The following GALNT15 variants were observed in gnomAD, a reference collection of about 807,000 sequenced individuals.
The protein encoded by GALNT15 is UDP-GalNAc transferase T15.
Under a neutral mutation model 66.8 loss-of-function variants are expected in GALNT15, and 67 were observed. The ratio of observed to expected loss-of-function variants is 1.00; its 90% CI spans 0.82 to 1.23. GALNT15 has a LOEUF of 1.23. GALNT15 is among the 50% of genes most tolerant of loss of function. The pLI is 0.00. For synonymous variants in GALNT15, 313 were observed against 311.5 expected (o/e 1.00, Z -0.05); for missense variants, 827 against 804.3 (o/e 1.03, Z -0.34).
intron 3 of GALNT15, among the ~76,000 whole-genome samples, chr3:16,205,018 C>T (rs1042777038): frequency 6.6e-6 from 1 of 152,180 alleles, no homozygotes; most frequent in Non-Finnish European, 1.5e-5. Context: ...TCCTGCCCCC[C>T]CAGAGGGAGC....
chr3:16,230,695 A>G (rs765721196), downstream of GALNT15, among the ~76,000 whole-genome samples: 5 of 152,330 alleles, frequency 3.3e-5, no homozygotes, highest in South Asian at 1.0e-3. This position sits in a 1 kb window ranked among gnomAD's most constrained non-coding sequence, Gnocchi z 4.5. Context: ...CTTATTATGC[A>G]CACTATTTAT....
At chr3:16,218,218 A>T (rs780601415) in intron 6 of GALNT15, among the ~76,000 whole-genome samples, 2 of 152,198 alleles carry the variant, frequency 1.3e-5, no homozygotes, top group Non-Finnish European at 2.9e-5. Context: ...TCTAAAAGAG[A>T]GAGGGAAAGC....
At position 16,228,443 on chromosome 3, in the gene GALNT15, C is replaced by A. The variant is rs185330066; in HGVS notation, c.*943C>A. The A allele has an allele frequency of 1.4e-6, 1 of 706,540 alleles. No individual in the cohort carries two copies. The highest frequency in any genetic ancestry group is 1.7e-6 in the Non-Finnish European group (1 of 575,386). The allele number at this position is 706,540 out of a possible 1,614,324, so 43.8% of individuals were successfully genotyped here. On this transcript the variant is annotated 3_prime_UTR_variant, in exon 10 of 10. Coordinates refer to ENST00000339732, the MANE Select transcript of GALNT15 (RefSeq NM_054110.5). ...ATCACCTGATGTCAGGGGTTTGAGA[C>A]CAGCCTGGTCAACATTGCAAAACCT...
rs756736567 is a variant in GALNT15, at chr3:16,225,091, A to G, written c.1774-2263A>G. On this transcript the variant is annotated intron_variant, in intron 9 of 9. Transcript: ENST00000339732. The surrounding 1 kb of genome is among the most constrained non-coding windows in gnomAD (Gnocchi z 4.4). ...CTCAGAGAGCTTTTACTTATGGCAGAAGATGAAGTGGGAGCAGGCATATCA... is the reference window on the plus strand; with the variant it reads ...CTCAGAGAGCTTTTACTTATGGCAGGAGATGAAGTGGGAGCAGGCATATCA... Among the ~76,000 whole-genome samples, 3 of 152,170 alleles carry G rather than the reference A, an allele frequency of 2.0e-5. No individual in the cohort carries two copies. Among genetic ancestry groups the G allele is most frequent in the African/African-American group, 7.2e-5 (3 of 41,432 alleles).
Position 16,225,475 on chromosome 3 carries a change from T to C in GALNT15, c.1774-1879T>C, listed in dbSNP as rs1439092121. The stretch of plus-strand genomic sequence containing the variant: ...ACTTCGGGAGGCCGAGGCAGGTGGA[T>C]CACGAGGTCAGGAGGCTGAGACCAG... On this transcript the variant is annotated intron_variant, in intron 9 of 9. Coordinates refer to ENST00000339732, the MANE Select transcript of GALNT15 (RefSeq NM_054110.5). This position sits in a 1 kb window ranked among gnomAD's most constrained non-coding sequence, Gnocchi z 4.4. Among the ~76,000 whole-genome samples, 1 of 152,206 alleles carries C rather than the reference T, an allele frequency of 6.6e-6. No individual in the cohort carries two copies. Among genetic ancestry groups the C allele is most frequent in the African/African-American group, 2.4e-5 (1 of 41,452 alleles).
chr3:16,221,151 C>T (rs1574997361), intron 8 of GALNT15, among the ~76,000 whole-genome samples: 1 of 148,486 alleles, frequency 6.7e-6, no homozygotes, highest in Non-Finnish European at 1.5e-5. Context: ...GCAGCCTCTA[C>T]AGAGATTATT....
At chr3:16,212,171 C>T (rs2063822269) in intron 5 of GALNT15, among the ~76,000 whole-genome samples, 1 of 152,162 alleles carries the variant, frequency 6.6e-6, no homozygotes, top group South Asian at 2.1e-4. Flanking sequence ...CTTTGTAGCA[C>T]ACTTCACAAG....
intron 1 of GALNT15, among the ~76,000 whole-genome samples, chr3:16,177,525 G>A (rs2063422740): frequency 6.6e-6 from 1 of 152,232 alleles, no homozygotes; most frequent in Non-Finnish European, 1.5e-5. Flanking sequence ...ACTGCGTTAT[G>A]TGGTGCCTAT....
chr3:16,199,973 T>C (rs1444639532), intron 2 of GALNT15, among the ~76,000 whole-genome samples: 2 of 152,194 alleles, frequency 1.3e-5, no homozygotes, highest in Admixed American at 1.3e-4. Flanking sequence ...CTCACACTGC[T>C]ATAAAGAACT....
rs2063470717 is a variant in GALNT15, at chr3:16,181,479, G to A, written c.539+5789G>A. 6.6e-6 allele frequency among the ~76,000 whole-genome samples: 1 copy of A among 152,056 alleles called. No homozygotes were observed. Among genetic ancestry groups the A allele is most frequent in the Non-Finnish European group, 1.5e-5 (1 of 68,026 alleles). ...GCAAGGGGTCAGAGGGAAGGGCAGG[G>A]GCGGGAGAGTCGCCTTGGCTGCAGC... On this transcript the variant is annotated intron_variant, in intron 1 of 9. Coordinates refer to ENST00000339732, the MANE Select transcript of GALNT15 (RefSeq NM_054110.5). The surrounding 1 kb of genome is among the most constrained non-coding windows in gnomAD (Gnocchi z 5.9).
At chr3:16,241,270 G>A in the GALNT15 span, among the ~76,000 whole-genome samples, 1 of 152,172 alleles carries the variant, frequency 6.6e-6, no homozygotes, top group African/African-American at 2.4e-5. This position sits in a 1 kb window ranked among gnomAD's most constrained non-coding sequence, Gnocchi z 4.6. Context: ...ATACATGCTT[G>A]TTGAACTTCA....
chr3:16,217,370 T>C (rs2124895159), intron 6 of GALNT15, among the ~76,000 whole-genome samples: 1 of 152,340 alleles, frequency 6.6e-6, no homozygotes, highest in South Asian at 2.1e-4. Flanking sequence ...AGGGCTCCTT[T>C]TATTTCTCTC....
intron 6 of GALNT15, among the ~76,000 whole-genome samples, chr3:16,216,475 C>T (rs1385197962): frequency 2.1e-5 from 3 of 143,468 alleles, no homozygotes; most frequent in Non-Finnish European, 4.5e-5. Flanking sequence ...CTTTAGCCTG[C>T]GAGCCAGAGC....
rs183607893 is a variant in GALNT15, at chr3:16,205,934, G to C, written c.912-2569G>C. ...AAAGAAGATTTCAGAAAGGAAAAGA[G>C]GGTATTGGGAATCAGGGGTAATACA... On this transcript the variant is annotated intron_variant, in intron 3 of 9. Transcript: ENST00000339732. Among the ~76,000 whole-genome samples the C allele has an allele frequency of 1.6e-3, 243 of 152,296 alleles. 1 individual carries two copies. The highest frequency in any genetic ancestry group is 5.5e-3 in the African/African-American group (229 of 41,570).
chr3:16,220,366 T>C (rs2063930239), intron 8 of GALNT15: 1 of 300,078 alleles, frequency 3.3e-6, no homozygotes, highest in Non-Finnish European at 6.4e-6. Flanking sequence ...CAGGGTTCAG[T>C]TGTCCCAGGA....
At chr3:16,196,236 C>A (rs1264772114) in intron 2 of GALNT15, among the ~76,000 whole-genome samples, 3 of 152,126 alleles carry the variant, frequency 2.0e-5, no homozygotes, top group Non-Finnish European at 4.4e-5. Context: ...CCCAGTCCAA[C>A]AATCCTCTCT....
At chr3:16,220,342 C>A in intron 8 of GALNT15, 1 of 337,490 alleles carries the variant, frequency 3.0e-6, no homozygotes, top group Non-Finnish European at 5.6e-6. Flanking sequence ...ACTCAGAAGC[C>A]TCCAGGATTC....
rs1426054308 is a variant in GALNT15 at position 16,209,973 on chromosome 3, G to C, written c.1080-1151G>C. On this transcript the variant is annotated intron_variant, in intron 4 of 9. Transcript: ENST00000339732. The surrounding 1 kb of genome is among the most constrained non-coding windows in gnomAD (Gnocchi z 4.1). ...AAATATTAGTATATTTGACTAAAGA[G>C]TGCCGGGCAGACCCCACTAGGACTG... is the stretch of plus-strand genomic sequence containing the variant. Among the ~76,000 whole-genome samples, 1 of 152,164 alleles carries C rather than the reference G, an allele frequency of 6.6e-6. No homozygotes were observed. The highest frequency in any genetic ancestry group is 6.5e-5 in the Admixed American group (1 of 15,272).
At chr3:16,239,179 C>G in the GALNT15 span, among the ~76,000 whole-genome samples, 77 of 152,262 alleles carry the variant, frequency 5.1e-4, no homozygotes, top group African/African-American at 1.7e-3. This position sits in a 1 kb window ranked among gnomAD's most constrained non-coding sequence, Gnocchi z 5.2. Context: ...TTCCCAGAAG[C>G]CCCCCAGCAG....
Sources: allele counts gnomAD v4.1 joint callset (sites outside exome capture counted in the v4.1 genomes callset), GRCh38; gene constraint gnomAD v4.1.1; non-coding constraint Gnocchi (gnomAD v3.1); transcripts MANE v1.5; gene names NCBI Gene and HGNC (gene_info 2026-07-23, HGNC 2026-07-21).